The following BBS9 variants were observed in gnomAD, a reference collection of about 807,000 sequenced individuals.
The protein encoded by BBS9 is protein PTHB1.
Under a neutral mutation model 117.7 loss-of-function variants are expected in BBS9, and 89 were observed. That is an observed-to-expected ratio of 0.76 (90% CI 0.64 to 0.90). The LOEUF (loss-of-function observed/expected upper bound fraction) is 0.90, where lower values mean the gene tolerates loss of function less well. Ranked by LOEUF, BBS9 falls within the 40% of genes least tolerant of loss-of-function variation. The pLI, the probability that BBS9 is intolerant of heterozygous loss-of-function variation, is 0.00. For missense variants in BBS9, 982 were observed against 1,042.2 expected (o/e 0.94, Z 0.80); for synonymous variants, 379 against 370.9 (o/e 1.02, Z -0.25).
chr7:33,236,291 A>T (rs1338736074), intron 5 of BBS9, among the ~76,000 whole-genome samples: 1 of 143,058 alleles, frequency 7.0e-6, no homozygotes, highest in Non-Finnish European at 1.5e-5. Context: ...GTACCATTTT[A>T]CTCCAGCCTG....
At chr7:33,418,590 C>T (rs1353124296) in intron 19 of BBS9, among the ~76,000 whole-genome samples, 2 of 152,176 alleles carry the variant, frequency 1.3e-5, no homozygotes, top group Non-Finnish European at 2.9e-5. Context: ...AAGCTAGAGG[C>T]TCAGATTGAA....
chr7:33,321,367 G>C (rs1372869359), intron 9 of BBS9, among the ~76,000 whole-genome samples: 4 of 151,976 alleles, frequency 2.6e-5, no homozygotes, highest in Admixed American at 2.6e-4. Context: ...TCATGAACAT[G>C]GAATATCTTT....
At chr7:33,533,561 A>G in intron 20 of BBS9, 1 of 216,662 alleles carries the variant, frequency 4.6e-6, no homozygotes, top group Non-Finnish European at 9.4e-6. Flanking sequence ...GATAAGAAAG[A>G]TAAGGCAAAA....
chr7:33,625,891 T>C (rs547705079), intron 21 of BBS9, among the ~76,000 whole-genome samples: 49 of 152,354 alleles, frequency 3.2e-4, no homozygotes, highest in African/African-American at 1.1e-3. Context: ...TTCTAAGTTG[T>C]CACACTAAAT....
At chr7:33,514,156 T>C (rs1442905308) in intron 20 of BBS9, among the ~76,000 whole-genome samples, 1 of 152,196 alleles carries the variant, frequency 6.6e-6, no homozygotes, top group East Asian at 1.9e-4. Flanking sequence ...TTGGAACAAA[T>C]ACTTAACTAG....
chr7:33,329,941 C>A lies in BBS9; in HGVS notation c.1017-6500C>A, dbSNP rs968933965. ...TTGTCTGTAGATGGCCTTTATTTAA[C>A]CTTTTTCTGTTGGGTATAGTATCAT... is the stretch of plus-strand genomic sequence containing the variant. On this transcript the variant is annotated intron_variant, in intron 9 of 22. Transcript: ENST00000242067. 3.3e-5 allele frequency among the ~76,000 whole-genome samples: 5 copies of A among 151,844 alleles called. No individual in the cohort carries two copies. The East Asian group carries it at 7.7e-4, about 23-fold the overall frequency.
At chr7:33,385,561 C>T (rs752171362) in intron 18 of BBS9, among the ~76,000 whole-genome samples, 4 of 152,166 alleles carry the variant, frequency 2.6e-5, no homozygotes, top group Non-Finnish European at 4.4e-5. Flanking sequence ...ACATTTCAAT[C>T]ACTGCTGCTT....
At chr7:33,238,550 T>A (rs1225170588) in intron 5 of BBS9, among the ~76,000 whole-genome samples, 1 of 152,140 alleles carries the variant, frequency 6.6e-6, no homozygotes, top group Non-Finnish European at 1.5e-5. Flanking sequence ...CGCTTCAGCC[T>A]CCAAAAGTGC....
At chr7:33,359,229 A>G (rs1291611381) in intron 16 of BBS9, among the ~76,000 whole-genome samples, 3 of 151,980 alleles carry the variant, frequency 2.0e-5, no homozygotes, top group Non-Finnish European at 4.4e-5. Context: ...GTTGGAAATT[A>G]TATGTTGAAC....
chr7:33,279,763 T>C (rs1164270463), intron 9 of BBS9, among the ~76,000 whole-genome samples: 1 of 152,216 alleles, frequency 6.6e-6, no homozygotes, highest in Non-Finnish European at 1.5e-5. Flanking sequence ...TTTAATTATT[T>C]TCAATTTTTG....
intron 4 of BBS9, among the ~76,000 whole-genome samples, chr7:33,163,726 T>C (rs996484607): frequency 6.6e-6 from 1 of 152,232 alleles, no homozygotes; most frequent in African/African-American, 2.4e-5. Context: ...TCTGTTTTCT[T>C]CTCTATTAGT....
intron 19 of BBS9, among the ~76,000 whole-genome samples, chr7:33,450,116 G>C (rs1419922): frequency 6.6e-6 from 1 of 151,984 alleles, no homozygotes; most frequent in African/African-American, 2.4e-5. Flanking sequence ...AAGTAGAATC[G>C]TGCAGTGGAA....
At chr7:33,396,291 A>G (rs1827945261) in intron 19 of BBS9, among the ~76,000 whole-genome samples, 2 of 152,166 alleles carry the variant, frequency 1.3e-5, no homozygotes, top group African/African-American at 4.8e-5. Flanking sequence ...GGTTTATCAT[A>G]GTACTACTAT....
At chr7:33,445,977 G>T (rs1292865434) in intron 19 of BBS9, among the ~76,000 whole-genome samples, 2 of 152,120 alleles carry the variant, frequency 1.3e-5, no homozygotes, top group African/African-American at 2.4e-5. Flanking sequence ...GTCTCAAGTA[G>T]TATCATTAGA....
intron 3 of BBS9, among the ~76,000 whole-genome samples, chr7:33,153,136 A>G (rs1284659890): frequency 6.6e-6 from 1 of 152,214 alleles, no homozygotes; most frequent in Non-Finnish European, 1.5e-5. Context: ...AAAGAAATAA[A>G]TAAGAAGTAT....
At chr7:33,541,210 C>G (rs1852242902) in intron 21 of BBS9, among the ~76,000 whole-genome samples, 1 of 151,604 alleles carries the variant, frequency 6.6e-6, no homozygotes, top group African/African-American at 2.4e-5. Context: ...GGAAACTCAC[C>G]TCCTTCTGTA....
At chr7:33,495,425 C>T (rs1166454898) in intron 19 of BBS9, among the ~76,000 whole-genome samples, 1 of 152,134 alleles carries the variant, frequency 6.6e-6, no homozygotes, top group Non-Finnish European at 1.5e-5. Context: ...AGGAATGTGG[C>T]CTGAAACATT....
At chr7:33,313,108 C>T (rs1334927520) in intron 9 of BBS9, among the ~76,000 whole-genome samples, 3 of 151,102 alleles carry the variant, frequency 2.0e-5, no homozygotes, top group Non-Finnish European at 4.4e-5. Flanking sequence ...TTGTGGATAA[C>T]ACTTTGTTGA....
chr7:33,613,976 G>C (rs932157007), intron 21 of BBS9, among the ~76,000 whole-genome samples: 2 of 152,058 alleles, frequency 1.3e-5, no homozygotes, highest in Non-Finnish European at 2.9e-5. Flanking sequence ...TATATGCCAT[G>C]ACTAACTCTA....
Sources: allele counts gnomAD v4.1 joint callset (sites outside exome capture counted in the v4.1 genomes callset), GRCh38; gene constraint gnomAD v4.1.1; transcripts MANE v1.5; gene names NCBI Gene and HGNC (gene_info 2026-07-23, HGNC 2026-07-21).